PEMT: variants seen among roughly 807,000 people sequenced by gnomAD.
The protein encoded by PEMT is phospholipid methyltransferase.
Under a neutral mutation model 27.4 loss-of-function variants are expected in PEMT, and 23 were observed. The ratio of observed to expected loss-of-function variants is 0.84; its 90% CI spans 0.60 to 1.19. The LOEUF is 1.19. Among genes scored for constraint, PEMT ranks in the 50% most tolerant of loss-of-function variants. The probability of loss-of-function intolerance (pLI) is 0.00; values close to 1 mark genes in which losing one functional copy is unlikely to be tolerated. For missense variants in PEMT, 307 were observed against 310.1 expected (o/e 0.99, Z 0.07); for synonymous variants, 137 against 139.1 (o/e 0.98, Z 0.11).
chr17:17,548,052 T>C (rs1909382341), intron 2 of PEMT, among the ~76,000 whole-genome samples: 1 of 152,250 alleles, frequency 6.6e-6, no homozygotes, highest in African/African-American at 2.4e-5. Flanking sequence ...AGCAGCGGGA[T>C]GTTCTATCCG....
At chr17:17,587,918 G>C (rs1912401820) in intron 1 of PEMT, among the ~76,000 whole-genome samples, 1 of 151,870 alleles carries the variant, frequency 6.6e-6, no homozygotes, top group African/African-American at 2.4e-5. Flanking sequence ...AATGAAACCA[G>C]ATAAAGAAAG....
Position 17,505,686 on chromosome 17 carries a change from G to A in PEMT, c.*105C>T. The A allele has an allele frequency of 3.8e-6, 5 of 1,328,894 alleles. No individual in the cohort carries two copies. The highest frequency in any genetic ancestry group is 4.9e-6 in the Non-Finnish European group (5 of 1,013,056). 82.3% of individuals were successfully genotyped at this position (1,328,894 alleles called of 1,614,324 possible). On this transcript the variant is annotated 3_prime_UTR_variant, in exon 7 of 7. Coordinates refer to ENST00000255389, the MANE Select transcript of PEMT (RefSeq NM_148172.3). ...AAGGCACTGGGGCAGCCCACGCCGG[G>A]GGCGAGCCCTGAGCAGCAGGCACCA...
intron 2 of PEMT, among the ~76,000 whole-genome samples, chr17:17,544,219 G>A (rs1195998837): frequency 6.6e-6 from 1 of 152,018 alleles, no homozygotes; most frequent in East Asian, 1.9e-4. Context: ...CCCAGACAGT[G>A]AGTAACTGGC....
chr17:17,542,214 C>T (rs1428419212), intron 2 of PEMT, among the ~76,000 whole-genome samples: 1 of 135,788 alleles, frequency 7.4e-6, no homozygotes, highest in Non-Finnish European at 1.6e-5. Flanking sequence ...CTCCTGACCT[C>T]AGGTGATCTA....
At chr17:17,579,951 A>G (rs925333575) in intron 1 of PEMT, among the ~76,000 whole-genome samples, 2 of 152,196 alleles carry the variant, frequency 1.3e-5, no homozygotes, top group African/African-American at 4.8e-5. Flanking sequence ...TGCAGCCAAC[A>G]AGGCCTGGCG....
At chr17:17,575,213 C>G (rs1242548493) in intron 2 of PEMT, among the ~76,000 whole-genome samples, 1 of 152,164 alleles carries the variant, frequency 6.6e-6, no homozygotes, top group Admixed American at 6.5e-5. Flanking sequence ...TCACTCCAGC[C>G]TCTGCCTCCA....
In PEMT at chr17:17,527,028, C is replaced by T. The variant is rs1037895063; in HGVS notation, c.205-4633G>A. Among the ~76,000 whole-genome samples the T allele has an allele frequency of 2.6e-5, 4 of 152,026 alleles. No homozygotes were observed. The East Asian group carries it at 7.7e-4, about 29-fold the overall frequency. The stretch of plus-strand genomic sequence containing the variant: ...TCCTTGAAGTGAGGCCGCAGAAAGT[C>T]GAGTTTTTTATTTTTGTTTATGTTT... On this transcript the variant is annotated intron_variant, in intron 2 of 6. Coordinates refer to ENST00000255389, the MANE Select transcript of PEMT (RefSeq NM_148172.3).
chr17:17,513,905 T>C lies in PEMT; in HGVS notation c.321-1251A>G, dbSNP rs1906603694. ...ACACAGAAGAGACATGGAGATCTGC[T>C]ACCTCACGCAGGGCAGCGCCTTTCA... is the stretch of plus-strand genomic sequence containing the variant. On this transcript the variant is annotated intron_variant, in intron 3 of 6. Coordinates refer to ENST00000255389, the MANE Select transcript of PEMT (RefSeq NM_148172.3). This position sits in a 1 kb window ranked among gnomAD's most constrained non-coding sequence, Gnocchi z 4.1. Among the ~76,000 whole-genome samples the C allele has an allele frequency of 6.6e-6, 1 of 152,148 alleles. No individual in the cohort carries two copies. The highest frequency in any genetic ancestry group is 1.5e-5 in the Non-Finnish European group (1 of 68,030).
chr17:17,573,077 T>C (rs546359243), intron 2 of PEMT, among the ~76,000 whole-genome samples: 18 of 152,276 alleles, frequency 1.2e-4, no homozygotes, highest in African/African-American at 3.9e-4. Flanking sequence ...TAATCCCAGC[T>C]ACTCAGGAGG....
intron 2 of PEMT, among the ~76,000 whole-genome samples, chr17:17,554,289 G>T (rs768110693): frequency 2.6e-5 from 4 of 152,226 alleles, no homozygotes; most frequent in Non-Finnish European, 4.4e-5. Flanking sequence ...CGGTAAACAA[G>T]GGTGCAGTTC....
chr17:17,514,833 C>T (rs1906699764), intron 3 of PEMT, among the ~76,000 whole-genome samples: 1 of 152,250 alleles, frequency 6.6e-6, no homozygotes, highest in South Asian at 2.1e-4. Flanking sequence ...GGCTCCCCTG[C>T]AAGCATCTGG....
chr17:17,511,466 G>A (rs563261334), intron 4 of PEMT, among the ~76,000 whole-genome samples: 2 of 152,312 alleles, frequency 1.3e-5, no homozygotes, highest in East Asian at 3.9e-4. Flanking sequence ...TGAGAACTTG[G>A]AGTGCCCTGT....
intron 2 of PEMT, among the ~76,000 whole-genome samples, chr17:17,552,530 C>T (rs1019289685): frequency 3.9e-5 from 6 of 152,208 alleles, no homozygotes; most frequent in African/African-American, 7.2e-5. Flanking sequence ...TCCTCACCCG[C>T]GGCGCACCCA....
chr17:17,586,208 AAG>A lies in PEMT; in HGVS notation c.96+5321_96+5322del, dbSNP rs1257137006. Among the ~76,000 whole-genome samples, 161 of 141,650 alleles carry A rather than the reference AAG, an allele frequency of 1.1e-3. 1 individual carries two copies. Among genetic ancestry groups the A allele is most frequent in the African/African-American group, 4.3e-3 (151 of 34,808 alleles). The allele number at this position is 141,650 out of a possible 152,430, so 92.9% of individuals were successfully genotyped here. ...AGAAAAAGAAGGAAGGAAAGAAAGA[AAG>A]AAAGAAAAAGAAAGAAAGAAAGAAA... On this transcript the variant is annotated intron_variant, in intron 1 of 6. Coordinates refer to ENST00000255389, the MANE Select transcript of PEMT (RefSeq NM_148172.3).
chr17:17,520,547 C>T (rs1907186925), intron 3 of PEMT, among the ~76,000 whole-genome samples: 1 of 152,242 alleles, frequency 6.6e-6, no homozygotes, highest in South Asian at 2.1e-4. Context: ...TGTGAAAATG[C>T]TCCCTGGGGC....
intron 3 of PEMT, among the ~76,000 whole-genome samples, chr17:17,517,138 CGCCTTGGG>C (rs1567671643): frequency 6.6e-6 from 1 of 152,188 alleles, no homozygotes. Flanking sequence ...TGGAGGACCA[CGCCTTGGG>C]TGAGCTCACA....
intron 2 of PEMT, among the ~76,000 whole-genome samples, chr17:17,554,889 T>C (rs1254770560): frequency 6.6e-6 from 1 of 152,138 alleles, no homozygotes; most frequent in Non-Finnish European, 1.5e-5. Flanking sequence ...GTGCTAGGAT[T>C]ACAGGCACGA....
Position 17,582,205 on chromosome 17 carries a change from C to T in PEMT, c.97-5178G>A. 1 of 909,276 alleles carries T rather than the reference C, an allele frequency of 1.1e-6. No individual in the cohort carries two copies. Among genetic ancestry groups the T allele is most frequent in the Non-Finnish European group, 1.3e-6 (1 of 760,394 alleles). 56.3% of individuals were successfully genotyped at this position (909,276 alleles called of 1,614,324 possible). On this transcript the variant is annotated intron_variant, in intron 1 of 6. Transcript: ENST00000255389. The surrounding 1 kb of genome is among the most constrained non-coding windows in gnomAD (Gnocchi z 4.9). ...CTACCCAGTAATTCTAATGGAACCC[C>T]CACTCCAAGGCTCCAGGTTGCAGAG...
chr17:17,554,537 C>T (rs909040367), intron 2 of PEMT, among the ~76,000 whole-genome samples: 1 of 152,254 alleles, frequency 6.6e-6, no homozygotes, highest in African/African-American at 2.4e-5. Flanking sequence ...CAGGCTGAGG[C>T]AACGGAGCCG....
Sources: allele counts gnomAD v4.1 joint callset (sites outside exome capture counted in the v4.1 genomes callset), GRCh38; gene constraint gnomAD v4.1.1; non-coding constraint Gnocchi (gnomAD v3.1); transcripts MANE v1.5; gene names NCBI Gene and HGNC (gene_info 2026-07-23, HGNC 2026-07-21).